S100Z: variants seen among roughly 807,000 people sequenced by gnomAD.
S100Z encodes the protein protein S100-Z.
A neutral mutation model predicts 8.5 loss-of-function variants in S100Z; 11 were observed. The observed-to-expected ratio is 1.30, with a 90% CI of 0.82 to 2.15. S100Z has a LOEUF of 2.15. Ranked by LOEUF, S100Z falls within the 30% of genes most tolerant of loss-of-function variation. The probability of loss-of-function intolerance (pLI) is 0.00; values close to 1 mark genes in which losing one functional copy is unlikely to be tolerated. For missense variants in S100Z, 126 were observed against 117.9 expected, an observed-to-expected ratio of 1.07 and a Z score of -0.32; for synonymous variants, 34 against 43.8, an observed-to-expected ratio of 0.78 and a Z score of 0.89.
chr5:76,870,014 C>A (rs561827629), intron 1 of S100Z, among the ~76,000 whole-genome samples, 152 bp from the exon 2 acceptor site: 121 of 150,402 alleles, frequency 8.0e-4, no homozygotes, highest in Middle Eastern at 3.4e-3. Context: ...CAGACTAAGA[C>A]TCCGTCTCAA....
At chr5:76,944,339 G>T in the S100Z span, among the ~76,000 whole-genome samples, 1 of 152,202 alleles carries the variant, frequency 6.6e-6, no homozygotes, top group African/African-American at 2.4e-5. Flanking sequence ...GGAGTGCCAG[G>T]TGTATGTATG....
At chr5:76,900,725 T>G (rs1306349728) in intron 4 of S100Z, among the ~76,000 whole-genome samples, 2 of 152,174 alleles carry the variant, frequency 1.3e-5, no homozygotes, top group African/African-American at 4.8e-5. Flanking sequence ...CCAGGATTTG[T>G]CCCTGGTGAC....
chr5:76,852,982 T>G (rs1750772685), intron 1 of S100Z, among the ~76,000 whole-genome samples: 1 of 152,170 alleles, frequency 6.6e-6, no homozygotes, highest in Admixed American at 6.5e-5. Flanking sequence ...ATTTTTCCCC[T>G]GAGAGTCTTC....
intron 4 of S100Z, among the ~76,000 whole-genome samples, chr5:76,884,354 G>C (rs895870313): frequency 1.3e-5 from 2 of 152,162 alleles, no homozygotes; most frequent in East Asian, 1.9e-4. Flanking sequence ...AGTTCCATTG[G>C]GATCTTCTCG....
chr5:76,914,683 G>A (rs1340093581), intron 4 of S100Z, among the ~76,000 whole-genome samples: 1 of 151,910 alleles, frequency 6.6e-6, no homozygotes, highest in Admixed American at 6.6e-5. Context: ...AGCAACTCCA[G>A]ACGTGCCACC....
intron 4 of S100Z, among the ~76,000 whole-genome samples, chr5:76,882,602 G>T (rs1198210977): frequency 6.6e-6 from 1 of 152,230 alleles, no homozygotes; most frequent in Non-Finnish European, 1.5e-5. Flanking sequence ...TTGTTGTTTT[G>T]TAGAAGGCAT....
At chr5:76,879,623 T>C (rs1743322297) in intron 4 of S100Z, among the ~76,000 whole-genome samples, 1 of 151,878 alleles carries the variant, frequency 6.6e-6, no homozygotes. Context: ...GAGTTGGGAG[T>C]CATTTGTGAT....
At chr5:76,889,699 C>T (rs1466729177) in intron 4 of S100Z, among the ~76,000 whole-genome samples, 3 of 152,220 alleles carry the variant, frequency 2.0e-5, no homozygotes, top group Non-Finnish European at 4.4e-5. Flanking sequence ...ACATGATGTA[C>T]CAAAAGCTCT....
At chr5:76,918,682 C>T (rs565739606) in intron 4 of S100Z, among the ~76,000 whole-genome samples, 22 of 152,328 alleles carry the variant, frequency 1.4e-4, no homozygotes, top group African/African-American at 3.8e-4. Context: ...ATAGAACCTA[C>T]GTTGACACAT....
intron 4 of S100Z, among the ~76,000 whole-genome samples, chr5:76,906,620 G>T (rs577780131): frequency 2.5e-4 from 36 of 142,854 alleles, no homozygotes; most frequent in African/African-American, 7.2e-4. Flanking sequence ...CGTGTTTTTT[G>T]TTGTTGTTGT....
the S100Z span, among the ~76,000 whole-genome samples, chr5:76,926,961 T>C: frequency 6.6e-6 from 1 of 152,236 alleles, no homozygotes; most frequent in Non-Finnish European, 1.5e-5. Flanking sequence ...TGTTATGAAC[T>C]CTTTATCTCT....
chr5:76,941,802 C>CG, the S100Z span, among the ~76,000 whole-genome samples: 2 of 152,142 alleles, frequency 1.3e-5, no homozygotes, highest in African/African-American at 4.8e-5. Context: ...ATGCTCCCCC[C>CG]CCTTGATGGC....
At chr5:76,876,518 A>G (rs1195792574) in intron 3 of S100Z, among the ~76,000 whole-genome samples, 1 of 151,914 alleles carries the variant, frequency 6.6e-6, no homozygotes, top group East Asian at 1.9e-4. Flanking sequence ...ACAGGCATGC[A>G]CCACGACACC....
chr5:76,882,316 A>C (rs1378481062), intron 4 of S100Z, among the ~76,000 whole-genome samples: 1 of 152,192 alleles, frequency 6.6e-6, no homozygotes, highest in African/African-American at 2.4e-5. Flanking sequence ...TAAAAAGGCT[A>C]CAGGGCGCAG....
At chr5:76,912,868 C>T (rs1250163040) in intron 4 of S100Z, among the ~76,000 whole-genome samples, 1 of 136,476 alleles carries the variant, frequency 7.3e-6, no homozygotes, top group East Asian at 2.1e-4. Context: ...AAGAGACAGA[C>T]ACAAAGAAGG....
the S100Z span, among the ~76,000 whole-genome samples, chr5:76,931,105 T>C: frequency 1.4e-5 from 2 of 145,450 alleles, no homozygotes; most frequent in Non-Finnish European, 3.0e-5. Context: ...TCTTTCTTCC[T>C]TTTTTTTTTT....
intron 4 of S100Z, among the ~76,000 whole-genome samples, chr5:76,919,089 C>T (rs950747136): frequency 1.1e-4 from 16 of 152,136 alleles, no homozygotes; most frequent in Non-Finnish European, 1.8e-4. Flanking sequence ...TCTAATTACC[C>T]ACTGAAGAAC....
At chr5:76,900,009 C>A (rs1015955743) in intron 4 of S100Z, among the ~76,000 whole-genome samples, 7 of 152,204 alleles carry the variant, frequency 4.6e-5, no homozygotes, top group African/African-American at 1.7e-4. Flanking sequence ...ACTGGATATA[C>A]TATTGTAGGG....
At chr5:76,925,978 TAAAAC>T (rs1745131293), downstream of S100Z, among the ~76,000 whole-genome samples, 1 of 151,786 alleles carries the variant, frequency 6.6e-6, no homozygotes, top group African/African-American at 2.4e-5. Context: ...AGAAACAAAA[TAAAAC>T]AAAGATACAT....
Sources: allele counts gnomAD v4.1 joint callset (sites outside exome capture counted in the v4.1 genomes callset), GRCh38; gene constraint gnomAD v4.1.1; transcripts MANE v1.5; gene names NCBI Gene and HGNC (gene_info 2026-07-23, HGNC 2026-07-21).